CSMD1: variants seen among roughly 807,000 people sequenced by gnomAD.
CSMD1 encodes CUB and Sushi multiple domains 1.
In CSMD1, 213 loss-of-function variants were observed where a neutral mutation model predicts 417.5. The ratio of observed to expected loss-of-function variants is 0.51; its 90% CI spans 0.46 to 0.57. The LOEUF (loss-of-function observed/expected upper bound fraction) is 0.57. Ranked by LOEUF, CSMD1 falls within the 20% of genes least tolerant of loss-of-function variation. CSMD1 has a pLI of 0.00. For synonymous variants in CSMD1, 2,862 were observed against 1,736.8 expected, an observed-to-expected ratio of 1.65 and a Z score of -16.11; for missense variants, 6,923 against 4,529.7, an observed-to-expected ratio of 1.53 and a Z score of -15.17.
chr8:3,181,652 C>T (rs539049822), intron 36 of CSMD1, among the ~76,000 whole-genome samples: 1 of 152,182 alleles, frequency 6.6e-6, no homozygotes, highest in East Asian at 1.9e-4. Flanking sequence ...TGCTTTTGAC[C>T]CTGTATATAT....
intron 4 of CSMD1, among the ~76,000 whole-genome samples, chr8:4,022,914 G>C (rs765583703): frequency 1.1e-4 from 16 of 152,228 alleles, no homozygotes; most frequent in African/African-American, 3.4e-4. Flanking sequence ...ATGAAAGCAA[G>C]TGTGCAACTA....
intron 10 of CSMD1, among the ~76,000 whole-genome samples, chr8:3,544,656 A>G (rs975777979): frequency 6.6e-6 from 1 of 152,086 alleles, no homozygotes; most frequent in Non-Finnish European, 1.5e-5. Flanking sequence ...CAGCTTGGCC[A>G]CCACTGCAGA....
intron 1 of CSMD1, among the ~76,000 whole-genome samples, chr8:4,715,717 C>G (rs1211672235): frequency 6.6e-6 from 1 of 152,150 alleles, no homozygotes; most frequent in Non-Finnish European, 1.5e-5. Context: ...ACCAAGGTAT[C>G]ACCCTCAGCC....
At chr8:3,028,527 C>G (rs1466570675) in intron 51 of CSMD1, among the ~76,000 whole-genome samples, 1 of 152,204 alleles carries the variant, frequency 6.6e-6, no homozygotes, top group African/African-American at 2.4e-5. Context: ...AAGCTTTGAG[C>G]TCCCTGAGGC....
Position 3,795,297 on chromosome 8 carries a change from GATAT to G in CSMD1, c.819-41259_819-41256del, listed in dbSNP as rs1267685787. ...TGTACAGATATATATATCATGTACA[GATAT>G]ATATATCTATCATGTACAGATATAG... On this transcript the variant is annotated intron_variant, in intron 5 of 69. Coordinates refer to ENST00000635120, the MANE Select transcript of CSMD1 (RefSeq NM_033225.6). 6.6e-5 allele frequency among the ~76,000 whole-genome samples: 4 copies of G among 60,356 alleles called. 1 individual carries two copies. Among genetic ancestry groups the G allele is most frequent in the African/African-American group, 2.7e-4 (4 of 14,590 alleles). The allele number at this position is 60,356 out of a possible 152,430, so 39.6% of individuals were successfully genotyped here.
At chr8:4,115,652 TG>T (rs1439894405) in intron 3 of CSMD1, among the ~76,000 whole-genome samples, 2 of 152,320 alleles carry the variant, frequency 1.3e-5, no homozygotes, top group Admixed American at 6.5e-5. Flanking sequence ...ATATGTGCTT[TG>T]CCCATAATTG....
chr8:3,219,632 T>C (rs1003491984), intron 28 of CSMD1, among the ~76,000 whole-genome samples, 190 bp from the exon 29 acceptor site: 14 of 152,172 alleles, frequency 9.2e-5, no homozygotes, highest in African/African-American at 9.7e-5. Context: ...AATACATCAA[T>C]TGTGACAAAT....
intron 5 of CSMD1, among the ~76,000 whole-genome samples, chr8:3,791,343 C>A (rs944407661): frequency 6.6e-6 from 1 of 152,078 alleles, no homozygotes; most frequent in African/African-American, 2.4e-5. Flanking sequence ...ATAGGATAAC[C>A]TGAAACAATG....
At chr8:4,074,835 G>C (rs903936710) in intron 3 of CSMD1, among the ~76,000 whole-genome samples, 4 of 152,120 alleles carry the variant, frequency 2.6e-5, no homozygotes, top group East Asian at 1.9e-4. Flanking sequence ...TTTCTTGGTA[G>C]AATTTTCTGA....
chr8:3,414,202 G>A (rs111957249), intron 12 of CSMD1, among the ~76,000 whole-genome samples: 9,489 of 53,704 alleles, frequency 0.18, 676 homozygotes, highest in East Asian at 0.33. Flanking sequence ...AAAGACTGAT[G>A]CACCTAAAGC....
intron 1 of CSMD1, among the ~76,000 whole-genome samples, chr8:4,732,382 T>TGTGTGTG (rs1563244601): frequency 2.5e-5 from 3 of 117,670 alleles, no homozygotes; most frequent in Non-Finnish European, 3.6e-5. Flanking sequence ...TGTGTGTGTG[T>TGTGTGTG]AGTGTTTTTC....
chr8:4,356,650 A>T (rs1345203362), intron 3 of CSMD1, among the ~76,000 whole-genome samples: 1 of 152,136 alleles, frequency 6.6e-6, no homozygotes, highest in African/African-American at 2.4e-5. Flanking sequence ...CTGCGAAGGT[A>T]GTTCACATAC....
intron 3 of CSMD1, among the ~76,000 whole-genome samples, chr8:4,216,583 C>A (rs998384561): frequency 6.6e-6 from 1 of 152,178 alleles, no homozygotes; most frequent in Non-Finnish European, 1.5e-5. Context: ...CAACGGAGCC[C>A]TCCAGATGGA....
chr8:4,414,495 A>G (rs1440194815), intron 3 of CSMD1, among the ~76,000 whole-genome samples: 2 of 152,166 alleles, frequency 1.3e-5, no homozygotes, highest in Non-Finnish European at 2.9e-5. Flanking sequence ...TCCTATACTG[A>G]GCAATATTTT....
At chr8:4,175,559 T>G (rs942657425) in intron 3 of CSMD1, among the ~76,000 whole-genome samples, 1 of 152,156 alleles carries the variant, frequency 6.6e-6, no homozygotes, top group Non-Finnish European at 1.5e-5. Flanking sequence ...AAACCAGCCC[T>G]TAGATTTTTT....
intron 57 of CSMD1, among the ~76,000 whole-genome samples, chr8:2,968,415 T>C (rs1165550963): frequency 6.6e-6 from 1 of 152,224 alleles, no homozygotes; most frequent in African/African-American, 2.4e-5. Flanking sequence ...AACCAATACT[T>C]AAACAAGTCA....
chr8:3,627,380 A>G (rs1796544502), intron 7 of CSMD1, among the ~76,000 whole-genome samples: 1 of 152,176 alleles, frequency 6.6e-6, no homozygotes, highest in Non-Finnish European at 1.5e-5. Flanking sequence ...ATTAAGTTAT[A>G]TATATCCTTA....
chr8:4,833,571 G>A (rs1447488008), intron 1 of CSMD1, among the ~76,000 whole-genome samples: 2 of 152,324 alleles, frequency 1.3e-5, no homozygotes, highest in East Asian at 3.9e-4. Flanking sequence ...ATAATAAACT[G>A]TGATATTCCA....
intron 1 of CSMD1, among the ~76,000 whole-genome samples, chr8:4,957,670 G>A (rs1308142338): frequency 6.6e-6 from 1 of 152,114 alleles, no homozygotes; most frequent in African/African-American, 2.4e-5. Flanking sequence ...TTAACAAAAG[G>A]ATATAAAAAC....
Sources: allele counts gnomAD v4.1 joint callset (sites outside exome capture counted in the v4.1 genomes callset), GRCh38; gene constraint gnomAD v4.1.1; transcripts MANE v1.5; gene names NCBI Gene and HGNC (gene_info 2026-07-23, HGNC 2026-07-21).